Variants in DTD1 observed in about 807,000 individuals in gnomAD.
The protein encoded by DTD1 is D-aminoacyl-tRNA deacylase 1.
Under a neutral mutation model 25.6 loss-of-function variants are expected in DTD1, and 13 were observed. That is an observed-to-expected ratio of 0.51 (90% CI 0.33 to 0.81). The LOEUF is 0.81. Among genes scored for constraint, DTD1 ranks in the 30% least tolerant of loss-of-function variants. The pLI, the probability that DTD1 is intolerant of heterozygous loss-of-function variation, is 0.02. For synonymous variants in DTD1, 110 were observed against 103.6 expected (o/e 1.06, Z -0.37); for missense variants, 193 against 266.4 (o/e 0.72, Z 1.92).
chr20:18,713,347 T>G (rs2099166427), intron 4 of DTD1, among the ~76,000 whole-genome samples: 1 of 152,264 alleles, frequency 6.6e-6, no homozygotes, highest in South Asian at 2.1e-4. Flanking sequence ...TTCAGAAATG[T>G]CCTCTTGTTA....
intron 3 of DTD1, among the ~76,000 whole-genome samples, chr20:18,605,974 A>G (rs1383766104): frequency 6.7e-6 from 1 of 148,180 alleles, no homozygotes; most frequent in African/African-American, 2.5e-5. Context: ...AGAAACTACC[A>G]TCAGAGTGAA....
intron 3 of DTD1, among the ~76,000 whole-genome samples, chr20:18,600,010 C>T (rs2060627279): frequency 6.6e-6 from 1 of 152,088 alleles, no homozygotes. Context: ...AATATTTATC[C>T]TTATAGGATA....
intron 1 of DTD1, chr20:18,588,722 C>T (rs2122233623): frequency 1.0e-6 from 1 of 985,244 alleles, no homozygotes; most frequent in Non-Finnish European, 1.2e-6. Context: ...GAACTCTGCG[C>T]GGAGGGGTCG....
At chr20:18,668,251 G>A (rs1012200658) in intron 4 of DTD1, among the ~76,000 whole-genome samples, 2 of 152,190 alleles carry the variant, frequency 1.3e-5, no homozygotes, top group African/African-American at 4.8e-5. Context: ...GGGCTAGTAC[G>A]ATAGCATGAG....
chr20:18,753,672 A>AGAAT (rs1216687566), intron 5 of DTD1, among the ~76,000 whole-genome samples: 1 of 151,702 alleles, frequency 6.6e-6, no homozygotes, highest in Non-Finnish European at 1.5e-5. Context: ...AATAGATGGG[A>AGAAT]GAATAAGTTA....
At chr20:18,588,689 G>A (rs2060576286) in intron 1 of DTD1, 1 of 984,328 alleles carries the variant, frequency 1.0e-6, no homozygotes, top group Non-Finnish European at 1.2e-6. Flanking sequence ...CCCTGCCCAG[G>A]ACGCCCCTCG....
chr20:18,702,055 T>C (rs150191605), intron 4 of DTD1, among the ~76,000 whole-genome samples: 1 of 152,274 alleles, frequency 6.6e-6, no homozygotes, highest in East Asian at 1.9e-4. Context: ...TTTTAATCTG[T>C]TGCATAATAA....
chr20:18,593,337 G>A (rs1266191493), intron 1 of DTD1, among the ~76,000 whole-genome samples: 6 of 152,068 alleles, frequency 3.9e-5, no homozygotes, highest in Non-Finnish European at 8.8e-5. Flanking sequence ...TCTGCAAAAG[G>A]CAGGAATCTC....
At chr20:18,708,280 A>T (rs2061140798) in intron 4 of DTD1, among the ~76,000 whole-genome samples, 13 of 36,292 alleles carry the variant, frequency 3.6e-4, no homozygotes, top group South Asian at 1.8e-3. Context: ...TATATATAAT[A>T]TATATTATAT....
chr20:18,719,388 C>G (rs1048516343), intron 4 of DTD1, among the ~76,000 whole-genome samples: 2 of 152,114 alleles, frequency 1.3e-5, no homozygotes, highest in Non-Finnish European at 2.9e-5. Flanking sequence ...CTGGCCTAGG[C>G]CAGTTTTTGT....
rs1185578047 is a variant in DTD1 at position 18,596,156 on chromosome 20, A to C, written c.285A>C (p.Leu95=). 6.2e-7 allele frequency: 1 copy of C among 1,614,192 alleles called. No individual in the cohort carries two copies. The highest frequency in any genetic ancestry group is 8.5e-7 in the Non-Finnish European group (1 of 1,180,026). The change falls in exon 3 of 6, where the codon CTA becomes CTC. Residue 95 remains leucine, a synonymous_variant. Transcript: ENST00000377452. The stretch of plus-strand genomic sequence containing the variant: ...AGGGAAACAAGCCTGATTTCCACCT[A>C]GCAATGCCCACGGAGCAGGCAGAGG... ...VLKGNKPDFH[L]AMPTEQAEGF...
rs1426538456 is a variant in DTD1 at position 18,708,236 on chromosome 20, A to AT, written c.478-35863dup. Among the ~76,000 whole-genome samples the AT allele has an allele frequency of 6.3e-3, 18 of 2,874 alleles. 2 individuals are homozygous for AT. In the East Asian group the frequency reaches 0.23, roughly 36 times the overall value. The allele number at this position is 2,874 out of a possible 152,430, so 1.9% of individuals were successfully genotyped here. On this transcript the variant is annotated intron_variant, in intron 4 of 5. Transcript: ENST00000377452. ...TATATATAATATATATATATTTTAT[A>AT]TATATATAATATATATTATATATAT...
intron 4 of DTD1, among the ~76,000 whole-genome samples, chr20:18,682,650 C>A (rs1226918940): frequency 6.6e-6 from 1 of 152,196 alleles, no homozygotes; most frequent in Non-Finnish European, 1.5e-5. Flanking sequence ...TTAGAGCATA[C>A]AAGAGGAAAA....
chr20:18,655,591 C>G (rs1430698093), intron 4 of DTD1, among the ~76,000 whole-genome samples: 1 of 152,088 alleles, frequency 6.6e-6, no homozygotes, highest in Non-Finnish European at 1.5e-5. Flanking sequence ...ATGGGCGTCC[C>G]TGTGAAATGG....
chr20:18,708,278 ATATATAT>A (rs1360983012), intron 4 of DTD1, among the ~76,000 whole-genome samples: 2 of 20,450 alleles, frequency 9.8e-5, no homozygotes, highest in African/African-American at 3.1e-4. Flanking sequence ...TATATATATA[ATATATAT>A]TATATATATA....
chr20:18,672,079 A>T (rs578129898), intron 4 of DTD1, among the ~76,000 whole-genome samples: 93 of 152,260 alleles, frequency 6.1e-4, no homozygotes, highest in African/African-American at 2.1e-3. Flanking sequence ...ACAGAAAGTT[A>T]AAAAATTAGC....
chr20:18,714,487 C>T (rs985758928), intron 4 of DTD1, among the ~76,000 whole-genome samples: 3 of 152,208 alleles, frequency 2.0e-5, no homozygotes, highest in Admixed American at 6.5e-5. Context: ...ATTGACTCTA[C>T]TCTTCACAGG....
chr20:18,683,930 T>G (rs889856049), intron 4 of DTD1, among the ~76,000 whole-genome samples: 2 of 152,172 alleles, frequency 1.3e-5, no homozygotes, highest in Non-Finnish European at 2.9e-5. Context: ...ATGGTTTTTT[T>G]CCCCCTCTAC....
chr20:18,639,899 G>C (rs558829880), intron 4 of DTD1, among the ~76,000 whole-genome samples: 1 of 152,212 alleles, frequency 6.6e-6, no homozygotes, highest in African/African-American at 2.4e-5. Context: ...CTCTGTTCAG[G>C]AATTGCATGG....
Sources: allele counts gnomAD v4.1 joint callset (sites outside exome capture counted in the v4.1 genomes callset), GRCh38; gene constraint gnomAD v4.1.1; transcripts MANE v1.5; gene names NCBI Gene and HGNC (gene_info 2026-07-23, HGNC 2026-07-21).